Variants in LLGL2 observed in about 807,000 individuals in gnomAD.
LLGL2 encodes the protein LLGL2, scribble cell polarity complex component.
Under a neutral mutation model 123.2 loss-of-function variants are expected in LLGL2, and 81 were observed. That is an observed-to-expected ratio of 0.66 (90% confidence interval 0.55 to 0.79). The LOEUF (loss-of-function observed/expected upper bound fraction) is 0.79. Ranked by LOEUF, LLGL2 falls within the 30% of genes least tolerant of loss-of-function variation. LLGL2 has a pLI of 0.00. For missense variants in LLGL2, 1,273 were observed against 1,414.6 expected (o/e 0.90, Z 1.61); for synonymous variants, 577 against 594.1 (o/e 0.97, Z 0.42).
chr17:75,574,494 G>C lies in LLGL2; in HGVS notation c.2995G>C (p.Gly999Arg). 2 of 1,559,744 alleles carry C rather than the reference G, an allele frequency of 1.3e-6. No individual in the cohort carries two copies. Among genetic ancestry groups the C allele is most frequent in the Non-Finnish European group, 1.7e-6 (2 of 1,153,210 alleles). The change falls in exon 24 of 26, where the codon GGG (glycine) becomes CGG (arginine). Residue 999 changes from glycine (G) to arginine (R), a missense_variant and splice_region_variant. Transcript: ENST00000392550. ...CCAGAGCACACTGGAGGGAGACCGC[G>C]GGTGAGGCACCGCCCAGGCCAGCTG... The part of the protein sequence containing the change: ...EIQSTLEGDR[G>R]SGNWRSHRAA...
intron 10 of LLGL2, among the ~76,000 whole-genome samples, chr17:75,567,593 C>T (rs1296736265): frequency 3.3e-5 from 5 of 150,986 alleles, no homozygotes; most frequent in Non-Finnish European, 5.9e-5. Context: ...GAGCTGAGAT[C>T]GCACCACTAC....
intron 6 of LLGL2, chr17:75,562,714 A>C: frequency 2.7e-6 from 1 of 368,846 alleles, no homozygotes; most frequent in East Asian, 5.5e-5. Flanking sequence ...GGTTATAGCC[A>C]TGTGCCACCA....
chr17:75,563,265 G>A (rs1016881133), intron 7 of LLGL2, 66 bp from the exon 8 acceptor site: 13 of 1,602,748 alleles, frequency 8.1e-6, no homozygotes, highest in Admixed American at 3.4e-5. Context: ...GGCATGGGGT[G>A]CAGGCGATGG....
Position 75,564,546 on chromosome 17 carries a change from T to G in LLGL2, c.1036+39T>G, listed in dbSNP as rs571399218. On this transcript the variant is annotated intron_variant, in intron 10 of 25. Transcript: ENST00000392550. This position sits in a 1 kb window ranked among gnomAD's most constrained non-coding sequence, Gnocchi z 4.9. ...GGGAGTGGGTGCCCAGGGTTAGGTG[T>G]GGGAGGCATGGGGCAGGACCATCAG... 8.1e-5 allele frequency: 131 copies of G among 1,611,128 alleles called. 1 individual carries two copies. The South Asian group carries it at 1.4e-3, about 17-fold the overall frequency.
In LLGL2 at chr17:75,558,683, T is replaced by A; in HGVS notation, c.371+56T>A. 7.1e-7 allele frequency: 1 copy of A among 1,400,616 alleles called. No individual in the cohort carries two copies. Among genetic ancestry groups the A allele is most frequent in the Non-Finnish European group, 9.9e-7 (1 of 1,011,534 alleles). The allele number at this position is 1,400,616 out of a possible 1,614,324, so 86.8% of individuals were successfully genotyped here. On this transcript the variant is annotated intron_variant, in intron 5 of 25. Transcript: ENST00000392550. This position sits in a 1 kb window ranked among gnomAD's most constrained non-coding sequence, Gnocchi z 4.0. ...CCCAGCCCAGCCTGACCCTTGCCCT[T>A]AGCTCTGGAGTGGACTCACCCTTTG...
At chr17:75,571,547 G>A (rs2055707199) in intron 17 of LLGL2, 120 bp from the exon 18 acceptor site, 3 of 737,094 alleles carry the variant, frequency 4.1e-6, no homozygotes, top group Non-Finnish European at 7.0e-6. Context: ...GGGCCTGTGT[G>A]GTTGTCAGAG....
intron 14 of LLGL2, among the ~76,000 whole-genome samples, 168 bp from the exon 15 acceptor site, chr17:75,569,795 T>C (rs1358826036): frequency 4.2e-5 from 5 of 119,442 alleles, no homozygotes; most frequent in Non-Finnish European, 8.2e-5. Context: ...AGAGCAAGAC[T>C]TGTCTCAAAA....
chr17:75,570,090 C>T lies in LLGL2; in HGVS notation c.1709C>T (p.Pro570Leu), dbSNP rs542765521. The change falls in exon 15 of 26, where the codon CCC becomes CTC. Residue 570 changes from proline to leucine, a missense_variant. Physicochemically the swap from Pro to Leu is moderately conservative, Grantham distance 98. Transcript: ENST00000392550. ...GHERLAARSGPVRFEPGFQPF... is the reference protein window; with the variant it reads ...GHERLAARSGLVRFEPGFQPF... ...GAGCGCCTGGCAGCCCGCTCAGGGC[C>T]CGTGCGCTTTGAGCCTGGCTTTCAG... 6.2e-7 allele frequency: 1 copy of T among 1,610,718 alleles called. No homozygotes were observed. Among genetic ancestry groups the T allele is most frequent in the South Asian group, 1.1e-5 (1 of 90,768 alleles).
At position 75,541,182 on chromosome 17, in the gene LLGL2, G is replaced by T. The variant is rs1049764765; in HGVS notation, c.-30-2215G>T. On this transcript the variant is annotated intron_variant, in intron 1 of 25. Transcript: ENST00000392550. ...CCCAGTTCTGCCTTGTCACTTTTAAGCCTGTGTGGAGTCTTTGGCACGGAT... is the reference window on the plus strand; with the variant it reads ...CCCAGTTCTGCCTTGTCACTTTTAATCCTGTGTGGAGTCTTTGGCACGGAT... 1.3e-4 allele frequency among the ~76,000 whole-genome samples: 20 copies of T among 152,318 alleles called. No homozygotes were observed. In the South Asian group the frequency reaches 2.3e-3, roughly 17 times the overall value.
intron 1 of LLGL2, among the ~76,000 whole-genome samples, chr17:75,529,153 C>CA (rs1326868702): frequency 6.2e-4 from 93 of 149,690 alleles, no homozygotes; most frequent in African/African-American, 2.1e-3. Flanking sequence ...GAGACTGTCT[C>CA]AAAAAAAAAG....
Position 75,559,807 on chromosome 17 carries a change from G to A in LLGL2, c.530+397G>A, listed in dbSNP as rs2055117369. Among the ~76,000 whole-genome samples, 1 of 152,158 alleles carries A rather than the reference G, an allele frequency of 6.6e-6. No homozygotes were observed. Among genetic ancestry groups the A allele is most frequent in the African/African-American group, 2.4e-5 (1 of 41,422 alleles). The stretch of plus-strand genomic sequence containing the variant: ...CCCTTTGCGGTGGGTACTTTGCTGA[G>A]GTTCCATTTGCTCGCAAGCTCCGTG... On this transcript the variant is annotated intron_variant, in intron 6 of 25. Coordinates refer to ENST00000392550, the MANE Select transcript of LLGL2 (RefSeq NM_001031803.2). The surrounding 1 kb of genome is among the most constrained non-coding windows in gnomAD (Gnocchi z 4.6).
Position 75,571,048 on chromosome 17 carries a change from C to T in LLGL2, c.2124C>T (p.Ser708=), listed in dbSNP as rs1294700401. The change falls in exon 17 of 26, where the codon TCC becomes TCT. Residue 708 remains serine, a synonymous_variant. Transcript: ENST00000392550. ...RKIEARSAED[S]FTGFVRTLYF... is the part of the protein sequence containing the mutation. ...TCGAGGCTCGCTCGGCAGAGGACTC[C>T]TTCACAGGCTTCGTCCGGACCCTGT... The T allele has an allele frequency of 6.2e-7, 1 of 1,613,012 alleles. No homozygotes were observed. Among genetic ancestry groups the T allele is most frequent in the Non-Finnish European group, 8.5e-7 (1 of 1,179,958 alleles).
At chr17:75,543,809 T>C (rs1465244094) in intron 2 of LLGL2, among the ~76,000 whole-genome samples, 2 of 152,144 alleles carry the variant, frequency 1.3e-5, no homozygotes, top group African/African-American at 2.4e-5. Flanking sequence ...CGATCTGCCA[T>C]GTCTACCTCG....
intron 1 of LLGL2, among the ~76,000 whole-genome samples, chr17:75,530,270 A>C (rs2053728220): frequency 6.6e-6 from 1 of 152,142 alleles, no homozygotes; most frequent in Non-Finnish European, 1.5e-5. Context: ...TGGGAGGTGG[A>C]GGAGGGAGGA....
chr17:75,548,918 C>G (rs1259271171), intron 2 of LLGL2, among the ~76,000 whole-genome samples: 1 of 152,096 alleles, frequency 6.6e-6, no homozygotes, highest in Non-Finnish European at 1.5e-5. Flanking sequence ...GACGCCTTAC[C>G]AGGACTTGCC....
At chr17:75,567,167 T>A (rs2055477672) in intron 10 of LLGL2, among the ~76,000 whole-genome samples, 1 of 152,058 alleles carries the variant, frequency 6.6e-6, no homozygotes, top group African/African-American at 2.4e-5. Flanking sequence ...AGACAAGCAC[T>A]TCAAAGAGGC....
At position 75,574,643 on chromosome 17, in the gene LLGL2, G is replaced by T. The variant is rs538799510; in HGVS notation, c.3030G>T (p.Val1010=). The change falls in exon 25 of 26, where the codon GTG becomes GTT. Residue 1010 remains valine, a synonymous_variant. Transcript: ENST00000392550. ...SGNWRSHRAA[V]GCSLSNGGAE ...ACTGGCGTTCACATCGAGCCGCCGT[G>T]GGGTGCAGCCTCAGCAATGGCGGAG... The T allele has an allele frequency of 1.9e-6, 3 of 1,612,256 alleles. No homozygotes were observed. The highest frequency in any genetic ancestry group is 3.3e-5 in the Admixed American group (2 of 59,908).
intron 13 of LLGL2, 25 bp from the exon 14 acceptor site, chr17:75,569,196 T>C (rs770416532): frequency 1.9e-6 from 3 of 1,612,438 alleles, no homozygotes; most frequent in East Asian, 2.2e-5. Context: ...CCGTGGCTGC[T>C]CACAGGGCCC....
In LLGL2 at chr17:75,558,796, G is replaced by A. The variant is rs1434412973; in HGVS notation, c.371+169G>A. ...AGGTGCTCCGAGTGGAGTGGGCGGGGCTGCAGCCTGCCTCCTCCATCCACA... is the reference window on the plus strand; with the variant it reads ...AGGTGCTCCGAGTGGAGTGGGCGGGACTGCAGCCTGCCTCCTCCATCCACA... On this transcript the variant is annotated intron_variant, in intron 5 of 25. Transcript: ENST00000392550. This position sits in a 1 kb window ranked among gnomAD's most constrained non-coding sequence, Gnocchi z 4.0. 6.6e-6 allele frequency among the ~76,000 whole-genome samples: 1 copy of A among 151,072 alleles called. No individual in the cohort carries two copies. Among genetic ancestry groups the A allele is most frequent in the Non-Finnish European group, 1.5e-5 (1 of 67,838 alleles).
Sources: allele counts gnomAD v4.1 joint callset (sites outside exome capture counted in the v4.1 genomes callset), GRCh38; gene constraint gnomAD v4.1.1; non-coding constraint Gnocchi (gnomAD v3.1); transcripts MANE v1.5; gene names NCBI Gene and HGNC (gene_info 2026-07-23, HGNC 2026-07-21).